Variants in FHIP2A observed in about 807,000 individuals in gnomAD.
FHIP2A encodes FHF complex subunit HOOK interacting protein 2A, also known as family with sequence similarity 160 member B1.
A neutral mutation model predicts 93.5 loss-of-function variants in FHIP2A; 46 were observed. That is an observed-to-expected ratio of 0.49 (90% confidence interval 0.39 to 0.63). The LOEUF is 0.63. Ranked by LOEUF, FHIP2A falls within the 20% of genes least tolerant of loss-of-function variation. The pLI is 0.00. For synonymous variants in FHIP2A, 332 were observed against 326.5 expected (o/e 1.02, Z -0.18); for missense variants, 769 against 909.7 (o/e 0.85, Z 1.99).
chr10:114,878,982 A>T (rs567830031), intron 16 of FHIP2A, among the ~76,000 whole-genome samples: 2 of 152,284 alleles, frequency 1.3e-5, no homozygotes, highest in Admixed American at 6.5e-5. Context: ...ATGAAATGAG[A>T]AGTTAAATAA....
Position 114,879,859 on chromosome 10 carries a change from C to T in FHIP2A, c.2192+18525C>T, listed in dbSNP as rs558305229. 5.9e-5 allele frequency among the ~76,000 whole-genome samples: 9 copies of T among 152,242 alleles called. No homozygotes were observed. In the South Asian group the frequency reaches 1.5e-3, roughly 25 times the overall value. ...ACTTTTTAGACACAGGAGGCTCTCG[C>T]GGTGTGCCCAGGCTGACTTGAGCTC... On this transcript the variant is annotated intron_variant, in intron 16 of 16. Coordinates refer to the FHIP2A transcript ENST00000369250.
chr10:114,843,728 T>C lies in FHIP2A; in HGVS notation c.817-13T>C. ...CAATTCAAGAATTGAAGGGGGATTTTTTTTTCCTTTAGGATGGCAGAATAG... is the reference window on the plus strand; with the variant it reads ...CAATTCAAGAATTGAAGGGGGATTTCTTTTTCCTTTAGGATGGCAGAATAG... On this transcript the variant is annotated splice_polypyrimidine_tract_variant and intron_variant, in intron 6 of 16. Coordinates refer to ENST00000369248, the MANE Select transcript of FHIP2A (RefSeq NM_020940.4). 6.7e-7 allele frequency: 1 copy of C among 1,486,782 alleles called. No homozygotes were observed. 92.1% of individuals were successfully genotyped at this position (1,486,782 alleles called of 1,614,324 possible).
chr10:114,853,288 CAT>C (rs771255506), intron 13 of FHIP2A, among the ~76,000 whole-genome samples: 49 of 152,120 alleles, frequency 3.2e-4, no homozygotes, highest in Non-Finnish European at 5.1e-4. Context: ...TTAAAATTTA[CAT>C]AGTCTAAATT....
chr10:114,852,427 C>T (rs903427660), intron 13 of FHIP2A, among the ~76,000 whole-genome samples: 1 of 152,180 alleles, frequency 6.6e-6, no homozygotes, highest in Non-Finnish European at 1.5e-5. Context: ...TTGTTTCCTG[C>T]TGTGGTCAGT....
In FHIP2A at chr10:114,863,520, A is replaced by G. The variant is rs2083812769; in HGVS notation, c.*1980A>G. On this transcript the variant is annotated 3_prime_UTR_variant, in exon 17 of 17. Transcript: ENST00000369248. The stretch of plus-strand genomic sequence containing the variant: ...TTAACTCTTATATTTGTGTATATGT[A>G]TGCTGCTTCTGAAAATATAATTTTT... The G allele has an allele frequency of 7.7e-6, 9 of 1,175,706 alleles. No individual in the cohort carries two copies. The highest frequency in any genetic ancestry group is 5.1e-5 in the South Asian group (3 of 58,726). The allele number at this position is 1,175,706 out of a possible 1,614,324, so 72.8% of individuals were successfully genotyped here. A position where few individuals can be genotyped will look rare whatever the true frequency, so the allele number is the denominator to read the frequency against.
In FHIP2A at chr10:114,846,715, ATAGCAG is replaced by A. The variant is rs1409836266; in HGVS notation, c.1556_1561del (p.Ile519_Gly521delinsArg). The A allele has an allele frequency of 6.2e-7, 1 of 1,600,520 alleles. No individual in the cohort carries two copies. ...TAAAGATGTGGTAGAAAATGGATTGATAGCAGGAGCAGTGTAAGTTTCCATCCAACT... is the reference window on the plus strand; with the variant it reads ...TAAAGATGTGGTAGAAAATGGATTGAGAGCAGTGTAAGTTTCCATCCAACT... On this transcript the variant is annotated inframe_deletion, in exon 11 of 17. Transcript: ENST00000369248.
At chr10:114,837,595 C>T (rs951894863) in intron 5 of FHIP2A, among the ~76,000 whole-genome samples, 2 of 152,116 alleles carry the variant, frequency 1.3e-5, no homozygotes, top group Admixed American at 6.5e-5. Flanking sequence ...AGAATTCACT[C>T]GTTTCAGTCT....
chr10:114,839,881 CA>C (rs10612399), intron 5 of FHIP2A, among the ~76,000 whole-genome samples: 7,135 of 95,510 alleles, frequency 0.075, 222 homozygotes, highest in African/African-American at 0.18. Flanking sequence ...GACTCTGTCT[CA>C]AAAAAAAAAA....
At chr10:114,889,595 CACCTT>C (rs2083960448) in intron 16 of FHIP2A, among the ~76,000 whole-genome samples, 1 of 152,192 alleles carries the variant, frequency 6.6e-6, no homozygotes, top group Non-Finnish European at 1.5e-5. Context: ...GTGGTTAAGC[CACCTT>C]ACCTCTATTA....
At chr10:114,845,618 A>T (rs2083696319) in intron 8 of FHIP2A, 137 bp downstream of exon 8, 2 of 613,706 alleles carry the variant, frequency 3.3e-6, no homozygotes, top group Non-Finnish European at 5.7e-6. Context: ...GTAAACAAAA[A>T]AGTGTATATG....
intron 16 of FHIP2A, among the ~76,000 whole-genome samples, chr10:114,879,606 C>G (rs557107186): frequency 6.6e-6 from 1 of 152,260 alleles, no homozygotes; most frequent in East Asian, 1.9e-4. Context: ...CTTGCAATAA[C>G]AGACGATTGC....
chr10:114,875,902 T>TAAAG (rs200377161), intron 16 of FHIP2A, among the ~76,000 whole-genome samples: 9,704 of 34,412 alleles, frequency 0.28, 900 homozygotes, highest in Admixed American at 0.36. Flanking sequence ...GAGAAAGAAA[T>TAAAG]AAAGAAAGAG....
At position 114,861,303 on chromosome 10, in the gene FHIP2A, C is replaced by T. The variant is rs772032213; in HGVS notation, c.2161C>T (p.Arg721Trp). The change falls in exon 16 of 17, where the codon CGG becomes TGG. Residue 721 changes from arginine (R) to tryptophan (W), a missense_variant. Physicochemically the swap from Arg to Trp is moderately radical, Grantham distance 101. Coordinates refer to ENST00000369248, the MANE Select transcript of FHIP2A (RefSeq NM_020940.4). ...FTPKLLLVRK[R>W]LLGLEPEGPI... ...TCCCAAGCTTCTGTTAGTCAGAAAG[C>T]GGTTACTTGGTTTGGAACCTGAAGG... 7.4e-6 allele frequency: 12 copies of T among 1,614,130 alleles called. No individual in the cohort carries two copies. Among genetic ancestry groups the T allele is most frequent in the East Asian group, 2.2e-5 (1 of 44,876 alleles).
At chr10:114,887,633 T>A (rs1041924464) in intron 16 of FHIP2A, among the ~76,000 whole-genome samples, 5 of 152,336 alleles carry the variant, frequency 3.3e-5, no homozygotes, top group African/African-American at 1.2e-4. Flanking sequence ...GAAATGTTAG[T>A]TCCGTTCCTC....
Position 114,862,044 on chromosome 10 carries a change from T to C in FHIP2A, c.*504T>C. The C allele has an allele frequency of 1.0e-6, 1 of 967,464 alleles. No individual in the cohort carries two copies. The highest frequency in any genetic ancestry group is 1.2e-6 in the Non-Finnish European group (1 of 813,302). 59.9% of individuals were successfully genotyped at this position (967,464 alleles called of 1,614,324 possible). A position where few individuals can be genotyped will look rare whatever the true frequency, so the allele number is the denominator to read the frequency against. ...AACTGTAAATGAGAAAAAAATACAATTCAGAAACCATTGAATGAATTAATT... is the reference window on the plus strand; with the variant it reads ...AACTGTAAATGAGAAAAAAATACAACTCAGAAACCATTGAATGAATTAATT... On this transcript the variant is annotated 3_prime_UTR_variant, in exon 17 of 17. Transcript: ENST00000369248.
chr10:114,842,956 C>T lies in FHIP2A; in HGVS notation c.546C>T (p.Ser182=), dbSNP rs1344021814. The T allele has an allele frequency of 6.2e-7, 1 of 1,604,020 alleles. No homozygotes were observed. The highest frequency in any genetic ancestry group is 8.5e-7 in the Non-Finnish European group (1 of 1,172,144). ...AGAATAAGATGAAATCATTGGCTTCCAAAGGAGTACCAAATGTAATTTCAG... is the reference window on the plus strand; with the variant it reads ...AGAATAAGATGAAATCATTGGCTTCTAAAGGAGTACCAAATGTAATTTCAG... ...FLENKMKSLA[S]KGVPNVISED... The change falls in exon 6 of 17, where the codon TCC becomes TCT. Residue 182 remains serine (S), a synonymous_variant. Coordinates refer to ENST00000369248, the MANE Select transcript of FHIP2A (RefSeq NM_020940.4).
intron 5 of FHIP2A, among the ~76,000 whole-genome samples, chr10:114,838,387 C>T (rs1025247390): frequency 2.6e-5 from 4 of 151,890 alleles, no homozygotes; most frequent in Non-Finnish European, 4.4e-5. Context: ...TCATGCGCAT[C>T]GTGTGTTGTT....
At chr10:114,874,259 T>A (rs2083873006) in intron 16 of FHIP2A, among the ~76,000 whole-genome samples, 1 of 135,898 alleles carries the variant, frequency 7.4e-6, no homozygotes, top group South Asian at 2.5e-4. Flanking sequence ...CTACTTTAGA[T>A]CTTTAATTTT....
chr10:114,876,796 GC>G (rs1156887236), intron 16 of FHIP2A, among the ~76,000 whole-genome samples: 1 of 152,074 alleles, frequency 6.6e-6, no homozygotes, highest in Non-Finnish European at 1.5e-5. Context: ...CTTCTCTGCT[GC>G]CCCTCCCCAC....
Sources: allele counts gnomAD v4.1 joint callset (sites outside exome capture counted in the v4.1 genomes callset), GRCh38; gene constraint gnomAD v4.1.1; transcripts MANE v1.5; gene names NCBI Gene and HGNC (gene_info 2026-07-23, HGNC 2026-07-21).